The following RGMA variants were observed in gnomAD, a reference collection of about 807,000 sequenced individuals.
RGMA encodes repulsive guidance molecule A.
In RGMA, 10 loss-of-function variants were observed where a neutral mutation model predicts 23.2. The ratio of observed to expected loss-of-function variants is 0.43; its 90% CI spans 0.27 to 0.73. The LOEUF is 0.73. RGMA is among the 30% of genes least tolerant of loss of function. The pLI is 0.20. For missense variants in RGMA, 547 were observed against 630.5 expected (o/e 0.87, Z 1.42); for synonymous variants, 308 against 279.3 (o/e 1.10, Z -1.03).
Position 93,076,728 on chromosome 15 carries a change from T to G in RGMA, c.15-3697A>C, listed in dbSNP as rs370769528. On this transcript the variant is annotated intron_variant, in intron 1 of 3. Transcript: ENST00000329082. ...TCTATTACCATCCTCATTTTGCAGA[T>G]GAAGAAACTGAGGCTGGGAACGCTT... Among the ~76,000 whole-genome samples the G allele has an allele frequency of 1.3e-4, 20 of 152,310 alleles. No individual in the cohort carries two copies. In the East Asian group the frequency reaches 1.9e-3, roughly 15 times the overall value.
intron 2 of RGMA, among the ~76,000 whole-genome samples, chr15:93,054,851 C>T (rs879782863): frequency 4.6e-5 from 7 of 152,206 alleles, no homozygotes; most frequent in African/African-American, 1.2e-4. Flanking sequence ...GCTGTCTTCA[C>T]GTCTCCTTAA....
At chr15:93,047,642 A>G (rs977506596) in intron 3 of RGMA, among the ~76,000 whole-genome samples, 4 of 148,854 alleles carry the variant, frequency 2.7e-5, no homozygotes, top group African/African-American at 1.0e-4. Context: ...AGGGGATCCC[A>G]CCCCAACCTG....
chr15:93,088,743 C>T (rs1895684651), intron 1 of RGMA, 176 bp downstream of exon 1: 1 of 755,084 alleles, frequency 1.3e-6, no homozygotes, highest in Non-Finnish European at 2.0e-6. Context: ...AAAAACTTTC[C>T]TGCTGCCAAC....
intron 1 of RGMA, among the ~76,000 whole-genome samples, chr15:93,075,494 C>G (rs1392632710): frequency 1.3e-5 from 2 of 152,156 alleles, no homozygotes; most frequent in Non-Finnish European, 2.9e-5. Context: ...AAAGAAGCAA[C>G]TGAGATAACC....
At chr15:93,061,332 G>A (rs1010960063) in intron 2 of RGMA, among the ~76,000 whole-genome samples, 21 of 152,260 alleles carry the variant, frequency 1.4e-4, no homozygotes, top group Admixed American at 5.2e-4. Flanking sequence ...TTTTATTTCA[G>A]TAGAGATGGG....
chr15:93,051,987 C>G lies in RGMA; in HGVS notation c.645+6G>C, dbSNP rs868099092. ...CTGTGCCCTACAGCCGCCCCCTCCCCCTTACCTTGCTGGTGGCAGTGGCCG... is the reference window on the plus strand; with the variant it reads ...CTGTGCCCTACAGCCGCCCCCTCCCGCTTACCTTGCTGGTGGCAGTGGCCG... On this transcript the variant is annotated splice_donor_region_variant and intron_variant, in intron 3 of 3. Transcript: ENST00000329082. 5.7e-6 allele frequency: 9 copies of G among 1,591,104 alleles called. No individual in the cohort carries two copies. The highest frequency in any genetic ancestry group is 1.7e-4 in the Middle Eastern group (1 of 5,888).
At chr15:93,078,744 T>G (rs1182452896) in intron 1 of RGMA, among the ~76,000 whole-genome samples, 2 of 152,250 alleles carry the variant, frequency 1.3e-5, no homozygotes, top group African/African-American at 4.8e-5. Context: ...AGAATACAAC[T>G]GCCAGGTTTG....
rs1019496187 is a variant in RGMA at position 93,038,658 on chromosome 15, T to G, written c.*6340A>C. ...GGTGCGATCTCTGCTTGCTGCAAGT[T>G]CTGCCTCCCGGGTTCACGCCACTCT... On this transcript the variant is annotated 3_prime_UTR_variant, in exon 4 of 4. Coordinates refer to ENST00000329082, the MANE Select transcript of RGMA (RefSeq NM_020211.3). The G allele has an allele frequency of 2.0e-5, 3 of 150,446 alleles. No individual in the cohort carries two copies. Among genetic ancestry groups the G allele is most frequent in the African/African-American group, 7.3e-5 (3 of 40,994 alleles). 9.3% of individuals were successfully genotyped at this position (150,446 alleles called of 1,614,324 possible).
chr15:93,084,956 T>C (rs963808811), intron 1 of RGMA, among the ~76,000 whole-genome samples: 45 of 152,172 alleles, frequency 3.0e-4, no homozygotes, highest in African/African-American at 1.2e-4. Context: ...GTACGTTGCA[T>C]GCTTCCACCT....
At chr15:93,080,813 G>A (rs895554891) in intron 1 of RGMA, among the ~76,000 whole-genome samples, 1 of 152,028 alleles carries the variant, frequency 6.6e-6, no homozygotes, top group South Asian at 2.1e-4. Context: ...TGGAGCAGCC[G>A]TGTTTCTTTT....
intron 3 of RGMA, among the ~76,000 whole-genome samples, chr15:93,050,960 G>C (rs1196233480): frequency 1.3e-5 from 2 of 152,212 alleles, no homozygotes; most frequent in Admixed American, 1.3e-4. Flanking sequence ...CTGGGTCCTT[G>C]ATGCAGGCAG....
chr15:93,053,060 C>T (rs1037580541), intron 2 of RGMA, among the ~76,000 whole-genome samples: 3 of 152,180 alleles, frequency 2.0e-5, no homozygotes, highest in Non-Finnish European at 2.9e-5. Context: ...CCAGCATTCA[C>T]GGCCAAAACT....
intron 1 of RGMA, among the ~76,000 whole-genome samples, chr15:93,075,853 G>C (rs1895465593): frequency 6.6e-6 from 1 of 152,142 alleles, no homozygotes; most frequent in South Asian, 2.1e-4. Context: ...AGAAATGTCT[G>C]AGGCTGAATT....
Position 93,045,311 on chromosome 15 carries a change from G to C in RGMA, c.1040C>G (p.Pro347Arg), listed in dbSNP as rs1359915217. The C allele has an allele frequency of 6.2e-7, 1 of 1,612,136 alleles. No individual in the cohort carries two copies. The highest frequency in any genetic ancestry group is 1.3e-5 in the African/African-American group (1 of 74,980). Residue 347 changes from proline (P) to arginine (R), a missense_variant, in exon 4 of 4, where the codon CCT (proline) becomes CGT (arginine). Coordinates refer to ENST00000329082, the MANE Select transcript of RGMA (RefSeq NM_020211.3). This position sits in a 1 kb window ranked among gnomAD's most constrained non-coding sequence, Gnocchi z 6.9. The part of the protein sequence containing the change: ...TGARRLAAAS[P>R]APTAPETFPY... ...GAAGGTCTCGGGGGCTGTGGGTGCA[G>C]GGCTGGCGGCTGCCAGCCTGCGGGC...
At chr15:93,065,755 G>T in intron 2 of RGMA, 1 of 1,179,750 alleles carries the variant, frequency 8.5e-7, no homozygotes. Flanking sequence ...GCTGGGCTTG[G>T]TCTCACCGTC....
Position 93,041,348 on chromosome 15 carries a change from G to C in RGMA, c.*3650C>G, listed in dbSNP as rs963228480. ...CCAGGCCGCAGGCCTCCGCGGAGCT[G>C]GCAGCCAGGAACCTCCAGAGGCTCC... is the stretch of plus-strand genomic sequence containing the variant. On this transcript the variant is annotated 3_prime_UTR_variant, in exon 4 of 4. Coordinates refer to ENST00000329082, the MANE Select transcript of RGMA (RefSeq NM_020211.3). 6.6e-6 allele frequency: 1 copy of C among 152,232 alleles called. No homozygotes were observed. The highest frequency in any genetic ancestry group is 1.5e-5 in the Non-Finnish European group (1 of 68,068). The allele number at this position is 152,232 out of a possible 1,614,324, so 9.4% of individuals were successfully genotyped here.
rs144069181 is a variant in RGMA, at chr15:93,060,032, G to A, written c.131-7525C>T. On this transcript the variant is annotated intron_variant, in intron 2 of 3. Coordinates refer to ENST00000329082, the MANE Select transcript of RGMA (RefSeq NM_020211.3). Reference sequence around the variant, plus strand: ...CCAGCTGCCCCACAGGGTGTGAGCTGAGCACACCTGCCCAGTACTGCAGTC... The same window carrying A: ...CCAGCTGCCCCACAGGGTGTGAGCTAAGCACACCTGCCCAGTACTGCAGTC... Among the ~76,000 whole-genome samples the A allele has an allele frequency of 7.9e-5, 12 of 152,262 alleles. No homozygotes were observed. The East Asian group carries it at 9.7e-4, about 12-fold the overall frequency.
chr15:93,070,320 G>C (rs1398962374), intron 2 of RGMA, among the ~76,000 whole-genome samples: 5 of 152,226 alleles, frequency 3.3e-5, no homozygotes, highest in African/African-American at 4.8e-5. Flanking sequence ...AGCCATTCAA[G>C]CTGACTAGCA....
intron 1 of RGMA, chr15:93,088,641 G>C: frequency 1.9e-6 from 2 of 1,035,174 alleles, no homozygotes; most frequent in Non-Finnish European, 2.5e-6. Context: ...CGCACACGGT[G>C]TAAGGGACGT....
Sources: gnomAD v4.1 joint callset for allele counts (sites outside exome capture counted in the v4.1 genomes callset) on GRCh38, gnomAD v4.1.1 for gene constraint, Gnocchi (gnomAD v3.1) non-coding constraint, MANE v1.5 for transcripts, NCBI Gene and HGNC (gene_info 2026-07-23, HGNC 2026-07-21) for gene names.